MACF1: variants seen among roughly 807,000 people sequenced by gnomAD.
MACF1 encodes microtubule actin crosslinking factor 1, also known as microtubule-actin cross-linking factor 1.
In MACF1, 193 loss-of-function variants were observed where a neutral mutation model predicts 854.8. The ratio of observed to expected loss-of-function variants is 0.23; its 90% CI spans 0.20 to 0.25. The LOEUF is 0.25. Ranked by LOEUF, MACF1 falls within the 10% of genes least tolerant of loss-of-function variation. The pLI is 1.00. For missense variants in MACF1, 7,722 were observed against 8,929.1 expected, an observed-to-expected ratio of 0.86 and a Z score of 5.45; for synonymous variants, 3,185 against 3,226.7, an observed-to-expected ratio of 0.99 and a Z score of 0.44.
At chr1:39,318,739 T>A (rs1646459620) in intron 30 of MACF1, 124 bp downstream of exon 30, 1 of 1,069,910 alleles carries the variant, frequency 9.3e-7, no homozygotes. Flanking sequence ...TCCCTTTTCT[T>A]TGAGTGGTTT....
chr1:39,094,764 C>T (rs185593396), intron 2 of MACF1, among the ~76,000 whole-genome samples: 79 of 151,100 alleles, frequency 5.2e-4, no homozygotes, highest in Non-Finnish European at 8.7e-4. Context: ...TGGTGGTATG[C>T]GCCTGTAATA....
intron 54 of MACF1, among the ~76,000 whole-genome samples, chr1:39,379,857 G>A (rs1414784689): frequency 6.6e-6 from 1 of 152,160 alleles, no homozygotes; most frequent in East Asian, 1.9e-4. Context: ...TAGGAAAAAT[G>A]TCAGAAGATA....
intron 49 of MACF1, among the ~76,000 whole-genome samples, chr1:39,362,942 C>A (rs1028694649): frequency 3.9e-5 from 6 of 152,192 alleles, no homozygotes. Flanking sequence ...AGGGAGAACC[C>A]TAGTTCCCAG....
chr1:39,125,992 C>G (rs1179509092), intron 2 of MACF1, among the ~76,000 whole-genome samples: 1 of 150,966 alleles, frequency 6.6e-6, no homozygotes, highest in African/African-American at 2.4e-5. Flanking sequence ...GACTCTGTCT[C>G]AAACAAAACA....
intron 59 of MACF1, 23 bp downstream of exon 59, chr1:39,422,558 G>A (rs1253211248): frequency 6.3e-7 from 1 of 1,593,934 alleles, no homozygotes; most frequent in Non-Finnish European, 8.6e-7. Flanking sequence ...GGGGTAGCAA[G>A]TGTACTGGAA....
At chr1:39,485,439 G>GCTTAAGATC in intron 100 of MACF1, 99 bp from the exon 101 acceptor site, 2 of 1,335,886 alleles carry the variant, frequency 1.5e-6, no homozygotes, top group East Asian at 5.1e-5. Flanking sequence ...TGTGAGATTT[G>GCTTAAGATC]CTTAAGATCA....
rs1333297958 is a variant in MACF1 at position 39,442,920 on chromosome 1, G to C, written c.19302+9G>C. On this transcript the variant is annotated intron_variant, in intron 78 of 100. Transcript: ENST00000564288. ...AGTCAACTCTGCAGCAGGTACATGT[G>C]ACATCCAAGTAAGGTAGGAAGAGCT... 1 of 1,611,754 alleles carries C rather than the reference G, an allele frequency of 6.2e-7. No individual in the cohort carries two copies. The highest frequency in any genetic ancestry group is 1.1e-5 in the South Asian group (1 of 90,638).
chr1:39,327,879 A>G (rs537141265), intron 36 of MACF1, among the ~76,000 whole-genome samples: 2 of 152,268 alleles, frequency 1.3e-5, no homozygotes, highest in South Asian at 2.1e-4. Context: ...GTTCCCCTCC[A>G]TATTCATTTC....
intron 2 of MACF1, among the ~76,000 whole-genome samples, chr1:39,123,244 G>T (rs1419535381): frequency 1.6e-5 from 2 of 125,296 alleles, no homozygotes; most frequent in Non-Finnish European, 3.2e-5. Context: ...GTCTCGCTCT[G>T]TTGCCCAGGC....
At chr1:39,411,980 G>A in intron 58 of MACF1, 1 of 1,613,974 alleles carries the variant, frequency 6.2e-7, no homozygotes, top group Non-Finnish European at 8.5e-7. Flanking sequence ...AAGGAGGAAT[G>A]TGAAAAAGTG....
At chr1:39,310,185 G>A in intron 24 of MACF1, 60 bp from the exon 25 acceptor site, 1 of 1,360,636 alleles carries the variant, frequency 7.3e-7, no homozygotes, top group Non-Finnish European at 1.0e-6. Context: ...TAAAATGGAG[G>A]AAAAGAGGAA....
rs897015692 is a variant in MACF1, at chr1:39,486,198, A to G, written c.*404A>G. ...ACTTGCTATCTCAGCAAGATAAATT[A>G]TATTAAAAAAATAAGAATCCTGCAG... On this transcript the variant is annotated 3_prime_UTR_variant, in exon 101 of 101. Coordinates refer to ENST00000564288, the MANE Select transcript of MACF1 (RefSeq NM_001394062.1). The G allele has an allele frequency of 3.2e-5, 5 of 154,158 alleles. No individual in the cohort carries two copies. The highest frequency in any genetic ancestry group is 5.8e-5 in the Non-Finnish European group (4 of 69,146). The allele number at this position is 154,158 out of a possible 1,614,324, so 9.5% of individuals were successfully genotyped here.
chr1:39,332,845 A>G lies in MACF1; in HGVS notation c.6257A>G (p.Lys2086Arg). 3 of 1,614,118 alleles carry G rather than the reference A, an allele frequency of 1.9e-6. No homozygotes were observed. The highest frequency in any genetic ancestry group is 2.5e-6 in the Non-Finnish European group (3 of 1,180,008). The change falls in exon 37 of 101, where the codon AAA becomes AGA. Residue 2086 changes from lysine to arginine, a missense_variant. Lys to Arg is a conservative substitution (Grantham distance 26). Coordinates refer to ENST00000564288, the MANE Select transcript of MACF1 (RefSeq NM_001394062.1). ...GAACAGGATCTGTTTGTAGAACAAA[A>G]AGAGAGAAATCCAAACATTGATGCT... ...NPEQDLFVEQ[K>R]ERNPNIDALK...
intron 2 of MACF1, among the ~76,000 whole-genome samples, chr1:39,099,151 T>C (rs1198958171): frequency 6.6e-6 from 1 of 152,234 alleles, no homozygotes; most frequent in East Asian, 1.9e-4. Context: ...CACTCACTAC[T>C]AGCAAAGAAT....
intron 6 of MACF1, among the ~76,000 whole-genome samples, chr1:39,263,758 T>G (rs1339038208): frequency 9.4e-6 from 1 of 105,980 alleles, no homozygotes; most frequent in Non-Finnish European, 1.9e-5. Context: ...TTCTTTCATC[T>G]TTTTTCTTTT....
rs1398999335 is a variant in MACF1, at chr1:39,409,089, C to G, written c.15817-13285C>G. Among the ~76,000 whole-genome samples, 1 of 151,528 alleles carries G rather than the reference C, an allele frequency of 6.6e-6. No homozygotes were observed. The highest frequency in any genetic ancestry group is 1.5e-5 in the Non-Finnish European group (1 of 67,868). ...CCGCCAGCCGAGCACTTCCAGCGAG[C>G]TAGCGAGCTAGCGGGTCGCGCTGCG... On this transcript the variant is annotated intron_variant, in intron 58 of 100. Transcript: ENST00000564288. The surrounding 1 kb of genome is among the most constrained non-coding windows in gnomAD (Gnocchi z 4.2).
intron 2 of MACF1, among the ~76,000 whole-genome samples, chr1:39,177,366 C>T (rs1200682992): frequency 1.3e-5 from 2 of 152,196 alleles, no homozygotes; most frequent in Non-Finnish European, 2.9e-5. Flanking sequence ...ATGTGATCCA[C>T]CCGCCTCGGC....
At chr1:39,418,592 G>C (rs936243304) in intron 58 of MACF1, among the ~76,000 whole-genome samples, 2 of 152,250 alleles carry the variant, frequency 1.3e-5, no homozygotes, top group Non-Finnish European at 1.5e-5. Context: ...GCTGGATGCC[G>C]TGGCTCATGC....
At position 39,331,618 on chromosome 1, in the gene MACF1, A is replaced by C; in HGVS notation, c.5030A>C (p.His1677Pro). ...ENCINLEEAF[H>P]QGLISAWLHS... ...TGTATTAACCTGGAAGAGGCTTTTC[A>C]TCAAGGCCTCATTTCTGCATGGCTT... Residue 1677 changes from histidine (H) to proline (P), a missense_variant, in exon 37 of 101, where the codon CAT (histidine) becomes CCT (proline). Coordinates refer to ENST00000564288, the MANE Select transcript of MACF1 (RefSeq NM_001394062.1). 6.2e-7 allele frequency: 1 copy of C among 1,614,216 alleles called. No individual in the cohort carries two copies. The highest frequency in any genetic ancestry group is 1.1e-5 in the South Asian group (1 of 91,082).
Sources: allele counts gnomAD v4.1 joint callset (sites outside exome capture counted in the v4.1 genomes callset), GRCh38; gene constraint gnomAD v4.1.1; non-coding constraint Gnocchi (gnomAD v3.1); transcripts MANE v1.5; gene names NCBI Gene and HGNC (gene_info 2026-07-23, HGNC 2026-07-21).